Variants in ATP13A4 observed in about 807,000 individuals in gnomAD.
The protein encoded by ATP13A4 is ATPase 13A4.
ATP13A4 carries 114 observed loss-of-function variants against 142.5 expected under a neutral mutation model. The observed-to-expected ratio is 0.80, with a 90% CI of 0.69 to 0.93. The LOEUF (loss-of-function observed/expected upper bound fraction) is 0.93. ATP13A4 is among the 40% of genes least tolerant of loss of function. The probability of loss-of-function intolerance (pLI) is 0.00; values close to 1 mark genes in which losing one functional copy is unlikely to be tolerated. For missense variants in ATP13A4, 1,392 were observed against 1,454.0 expected (o/e 0.96, Z 0.69); for synonymous variants, 488 against 514.8 (o/e 0.95, Z 0.70).
chr3:193,513,615 C>T (rs1246841239), intron 2 of ATP13A4, among the ~76,000 whole-genome samples: 5 of 152,262 alleles, frequency 3.3e-5, no homozygotes, highest in South Asian at 2.1e-4. Context: ...CTGACAGTCC[C>T]GCAGGGATGA....
chr3:193,528,121 C>T (rs954912565), intron 1 of ATP13A4, among the ~76,000 whole-genome samples: 1 of 152,184 alleles, frequency 6.6e-6, no homozygotes, highest in Non-Finnish European at 1.5e-5. Context: ...ACCATTTGTG[C>T]AAATTGGTGC....
intron 17 of ATP13A4, among the ~76,000 whole-genome samples, chr3:193,450,616 C>T (rs1028368992): frequency 6.6e-6 from 1 of 152,122 alleles, no homozygotes; most frequent in Non-Finnish European, 1.5e-5. Flanking sequence ...TGAAGGATAA[C>T]TTGGTTGATG....
intron 2 of ATP13A4, among the ~76,000 whole-genome samples, chr3:193,512,522 A>G (rs529888049): frequency 6.6e-6 from 1 of 152,340 alleles, no homozygotes; most frequent in East Asian, 1.9e-4. Flanking sequence ...AATGGAAGTG[A>G]AAACTAGTTA....
chr3:193,569,313 C>T (rs1724207910), intron 2 of ATP13A4, among the ~76,000 whole-genome samples: 1 of 152,174 alleles, frequency 6.6e-6, no homozygotes, highest in South Asian at 2.1e-4. Context: ...TTAAAATTGA[C>T]AAGGTCATCA....
chr3:193,498,037 T>C (rs796515261), intron 3 of ATP13A4, among the ~76,000 whole-genome samples: 11 of 152,260 alleles, frequency 7.2e-5, no homozygotes, highest in African/African-American at 2.6e-4. Flanking sequence ...AATATTGTAT[T>C]GTATATTCCA....
At chr3:193,542,336 T>C (rs531946078) in intron 1 of ATP13A4, among the ~76,000 whole-genome samples, 2 of 152,166 alleles carry the variant, frequency 1.3e-5, no homozygotes, top group South Asian at 2.1e-4. Flanking sequence ...CACAAACAAA[T>C]GGAAAAACAT....
intron 1 of ATP13A4, among the ~76,000 whole-genome samples, chr3:193,549,884 T>A (rs566213845): frequency 1.3e-5 from 2 of 152,184 alleles, no homozygotes; most frequent in Admixed American, 6.5e-5. Context: ...TTTTTAAGAA[T>A]AGAATTTTTA....
In ATP13A4 at chr3:193,511,285, T is replaced by G. The variant is rs116148981; in HGVS notation, c.234+3413A>C. Among the ~76,000 whole-genome samples, 578 of 152,286 alleles carry G rather than the reference T, an allele frequency of 3.8e-3. 5 individuals are homozygous for G. The highest frequency in any genetic ancestry group is 0.013 in the African/African-American group (547 of 41,552). On this transcript the variant is annotated intron_variant, in intron 2 of 29. Transcript: ENST00000342695. Reference sequence around the variant, plus strand: ...CAAGGATGCAAAGAAAGAGGCAGGATGATGGAACGAAGCTCCCAGGGGCAC... The same window carrying G: ...CAAGGATGCAAAGAAAGAGGCAGGAGGATGGAACGAAGCTCCCAGGGGCAC...
At chr3:193,418,243 G>A (rs868184701) in intron 25 of ATP13A4, among the ~76,000 whole-genome samples, 7 of 139,114 alleles carry the variant, frequency 5.0e-5, no homozygotes, top group South Asian at 2.3e-4. Context: ...CGTGAACCCC[G>A]AGGGGCCAGA....
At chr3:193,426,639 G>A (rs572297853) in intron 25 of ATP13A4, among the ~76,000 whole-genome samples, 6 of 152,008 alleles carry the variant, frequency 3.9e-5, no homozygotes, top group African/African-American at 1.4e-4. Context: ...GTGCTAACAT[G>A]AGGAAATACA....
At chr3:193,505,859 C>T (rs1269800622) in intron 2 of ATP13A4, among the ~76,000 whole-genome samples, 1 of 152,192 alleles carries the variant, frequency 6.6e-6, no homozygotes, top group Non-Finnish European at 1.5e-5. Context: ...AGAGCACAGG[C>T]TTGAGGCCTG....
At chr3:193,430,748 G>A (rs1339526287) in intron 25 of ATP13A4, among the ~76,000 whole-genome samples, 3 of 152,060 alleles carry the variant, frequency 2.0e-5, no homozygotes, top group African/African-American at 7.2e-5. Context: ...TGGCAATGTG[G>A]GTAGAGGTGA....
At chr3:193,562,195 C>T (rs1255925039) in intron 2 of ATP13A4, among the ~76,000 whole-genome samples, 1 of 152,020 alleles carries the variant, frequency 6.6e-6, no homozygotes, top group Non-Finnish European at 1.5e-5. Flanking sequence ...ACCTAGCAAA[C>T]CTGAATCCCT....
chr3:193,437,271 C>A (rs1157991204), intron 23 of ATP13A4, among the ~76,000 whole-genome samples: 1 of 151,640 alleles, frequency 6.6e-6, no homozygotes, highest in African/African-American at 2.4e-5. Context: ...ACCACCCCAT[C>A]TGAAGCAGCT....
rs1167083960 is a variant in ATP13A4, at chr3:193,423,540, A to G, written c.2843-8790T>C. On this transcript the variant is annotated intron_variant, in intron 25 of 29. Coordinates refer to ENST00000342695, the MANE Select transcript of ATP13A4 (RefSeq NM_032279.4). Reference sequence around the variant, plus strand: ...ATGCAAGGATGGTTCAACATATTCAAATCAATAAACATGATACATTACATC... The same window carrying G: ...ATGCAAGGATGGTTCAACATATTCAGATCAATAAACATGATACATTACATC... Among the ~76,000 whole-genome samples the G allele has an allele frequency of 1.3e-5, 2 of 149,900 alleles. 1 individual carries two copies. Among genetic ancestry groups the G allele is most frequent in the Non-Finnish European group, 3.0e-5 (2 of 67,594 alleles).
chr3:193,475,124 C>T (rs1036215066), intron 8 of ATP13A4, among the ~76,000 whole-genome samples: 5 of 152,062 alleles, frequency 3.3e-5, no homozygotes, highest in Non-Finnish European at 7.4e-5. Flanking sequence ...GCACTTATTT[C>T]TTAACCTAGC....
At chr3:193,587,068 T>G (rs1724684356) in intron 1 of ATP13A4, among the ~76,000 whole-genome samples, 1 of 152,196 alleles carries the variant, frequency 6.6e-6, no homozygotes, top group African/African-American at 2.4e-5. Flanking sequence ...TTATGGCTAA[T>G]TATATTATGG....
In ATP13A4 at chr3:193,466,713, T is replaced by C. The variant is rs150107493; in HGVS notation, c.1115-531A>G. Among the ~76,000 whole-genome samples, 100 of 152,356 alleles carry C rather than the reference T, an allele frequency of 6.6e-4. 1 individual carries two copies. In the East Asian group the frequency reaches 0.019, roughly 29 times the overall value. On this transcript the variant is annotated intron_variant, in intron 10 of 29. Transcript: ENST00000342695. The stretch of plus-strand genomic sequence containing the variant: ...ATTTGAATTGTGTGGCCTCAGCCTA[T>C]TCATGGACATAGCAGAAACAGTAAG...
intron 2 of ATP13A4, among the ~76,000 whole-genome samples, chr3:193,564,578 T>G (rs1724092719): frequency 6.6e-6 from 1 of 152,180 alleles, no homozygotes. Context: ...GTGGTGATGG[T>G]TTCACAGATA....
Sources: allele counts gnomAD v4.1 joint callset (sites outside exome capture counted in the v4.1 genomes callset), GRCh38; gene constraint gnomAD v4.1.1; transcripts MANE v1.5; gene names NCBI Gene and HGNC (gene_info 2026-07-23, HGNC 2026-07-21).